Variants in WIPI1 observed in about 807,000 individuals in gnomAD.
WIPI1 encodes WD repeat domain, phosphoinositide interacting 1.
In WIPI1, 45 loss-of-function variants were observed where a neutral mutation model predicts 55.3. The ratio of observed to expected loss-of-function variants is 0.81; its 90% CI spans 0.64 to 1.04. The LOEUF (loss-of-function observed/expected upper bound fraction) is 1.04. WIPI1 is among the 50% of genes least tolerant of loss of function. The pLI, the probability that WIPI1 is intolerant of heterozygous loss-of-function variation, is 0.00. For missense variants in WIPI1, 445 were observed against 559.0 expected (o/e 0.80, Z 2.06); for synonymous variants, 195 against 217.6 (o/e 0.90, Z 0.92).
intron 1 of WIPI1, among the ~76,000 whole-genome samples, chr17:68,455,361 C>CA (rs35004898): frequency 0.51 from 52,084 of 102,440 alleles, 11,997 homozygotes; most frequent in Middle Eastern, 0.6. Flanking sequence ...AAGACTGTCT[C>CA]AAAAAAAAAA....
rs149211315 is a variant in WIPI1 at position 68,440,406 on chromosome 17, G to A, written c.431-3927C>T. On this transcript the variant is annotated intron_variant, in intron 4 of 12. Coordinates refer to ENST00000262139, the MANE Select transcript of WIPI1 (RefSeq NM_017983.7). ...CTTTCTGTTACAGGTGTTACACAAA[G>A]CCTTTTTAAGGAAGGATATGGGCTT... Among the ~76,000 whole-genome samples the A allele has an allele frequency of 1.8e-4, 27 of 152,262 alleles. No individual in the cohort carries two copies. In the East Asian group the frequency reaches 4.6e-3, roughly 26 times the overall value.
At chr17:68,452,822 A>T (rs2084544841) in intron 2 of WIPI1, 88 bp downstream of exon 2, 2 of 1,207,562 alleles carry the variant, frequency 1.7e-6, no homozygotes, top group Non-Finnish European at 1.2e-6. Context: ...AGGGAAAAAT[A>T]GGCAGCTTGG....
intron 4 of WIPI1, among the ~76,000 whole-genome samples, chr17:68,438,674 C>T (rs183251668): frequency 5.9e-5 from 9 of 152,356 alleles, no homozygotes; most frequent in African/African-American, 2.2e-4. Flanking sequence ...GATCTTGGCT[C>T]ACTGCAACCT....
chr17:68,441,614 G>A (rs566590742), intron 4 of WIPI1, among the ~76,000 whole-genome samples: 2 of 152,166 alleles, frequency 1.3e-5, no homozygotes, highest in Admixed American at 6.5e-5. Flanking sequence ...TCACTGAAGC[G>A]CAGCTCTGAC....
chr17:68,421,688 A>G lies in WIPI1; in HGVS notation c.*85T>C, dbSNP rs764499200. ...TCCTGCCCCCCTTTCTGCTCACACAATTGCACTCCATTCTTCCGCCTTCCT... is the reference window on the plus strand; with the variant it reads ...TCCTGCCCCCCTTTCTGCTCACACAGTTGCACTCCATTCTTCCGCCTTCCT... On this transcript the variant is annotated 3_prime_UTR_variant, in exon 13 of 13. Transcript: ENST00000262139. 5.6e-5 allele frequency: 89 copies of G among 1,590,836 alleles called. No individual in the cohort carries two copies. The highest frequency in any genetic ancestry group is 7.6e-5 in the Non-Finnish European group (88 of 1,159,710).
chr17:68,457,476 GCCCGC>G lies in WIPI1; in HGVS notation c.-60_-56del, dbSNP rs1432097232. 4 of 1,355,442 alleles carry G rather than the reference GCCCGC, an allele frequency of 3.0e-6. No individual in the cohort carries two copies. In the African/African-American group the frequency reaches 6.3e-5, roughly 21 times the overall value. 84.0% of individuals were successfully genotyped at this position (1,355,442 alleles called of 1,614,324 possible). A position where few individuals can be genotyped will look rare whatever the true frequency, so the allele number is the denominator to read the frequency against. On this transcript the variant is annotated 5_prime_UTR_variant, in exon 1 of 13. Transcript: ENST00000262139. ...GGAGCCGGCGACAGCCACCTCAGCA[GCCCGC>G]CCGCGCCGGCTCCACGGGCCGGGTC...
At chr17:68,439,768 C>G (rs2083998531) in intron 4 of WIPI1, among the ~76,000 whole-genome samples, 2 of 152,196 alleles carry the variant, frequency 1.3e-5, no homozygotes, top group African/African-American at 4.8e-5. Context: ...TTATTTGCTG[C>G]TCTTTCAGGC....
chr17:68,444,644 C>T, intron 3 of WIPI1, 55 bp from the exon 4 acceptor site: 6 of 1,404,422 alleles, frequency 4.3e-6, no homozygotes, highest in Non-Finnish European at 5.9e-6. Flanking sequence ...AAGACCCTGA[C>T]CAAATCCAAA....
At position 68,429,988 on chromosome 17, in the gene WIPI1, G is replaced by T. The variant is rs2083438687; in HGVS notation, c.965+8C>A. The T allele has an allele frequency of 6.2e-7, 1 of 1,614,096 alleles. No individual in the cohort carries two copies. Among genetic ancestry groups the T allele is most frequent in the African/African-American group, 1.3e-5 (1 of 75,052 alleles). ...GGTCTTGTTCAGAGTGGGTGTCATT[G>T]TACGTACGTTGAGAGGGTACAGATG... On this transcript the variant is annotated splice_region_variant and intron_variant, in intron 9 of 12. Transcript: ENST00000262139.
At chr17:68,438,843 A>T (rs1355171111) in intron 4 of WIPI1, among the ~76,000 whole-genome samples, 1 of 152,196 alleles carries the variant, frequency 6.6e-6, no homozygotes, top group Admixed American at 6.5e-5. Flanking sequence ...CAGGTGATCC[A>T]TCTGCCTCGG....
chr17:68,448,693 CAATCTT>C (rs761021206), intron 3 of WIPI1, among the ~76,000 whole-genome samples: 86 of 152,164 alleles, frequency 5.7e-4, no homozygotes, highest in Non-Finnish European at 1.8e-4. Flanking sequence ...TTTGCCTAAA[CAATCTT>C]AAAAAGATCA....
intron 4 of WIPI1, among the ~76,000 whole-genome samples, chr17:68,441,727 G>A (rs1600346304): frequency 6.6e-6 from 1 of 152,174 alleles, no homozygotes; most frequent in African/African-American, 2.4e-5. Context: ...CACAACCTCA[G>A]GTAACGCTCT....
chr17:68,426,254 G>GGGGGGGGGCCCCCCCC, intron 11 of WIPI1, 79 bp from the exon 12 acceptor site: 1 of 816,916 alleles, frequency 1.2e-6, no homozygotes, highest in East Asian at 3.5e-5. Flanking sequence ...GGGAGCGGGG[G>GGGGGGGGGCCCCCCCC]CTCAAATAAA....
intron 7 of WIPI1, among the ~76,000 whole-genome samples, 192 bp from the exon 8 acceptor site, chr17:68,433,767 T>G (rs923719774): frequency 1.8e-3 from 33 of 18,230 alleles, no homozygotes; most frequent in African/African-American, 4.5e-3. Context: ...ATAGTTTTTT[T>G]TTTTTTTTTT....
chr17:68,431,254 C>T (rs1009096439), intron 8 of WIPI1, among the ~76,000 whole-genome samples: 2 of 152,140 alleles, frequency 1.3e-5, no homozygotes, highest in South Asian at 2.1e-4. Context: ...AAGGGAGAGG[C>T]GGATGAGGTT....
Position 68,452,921 on chromosome 17 carries a change from AC to A in WIPI1, c.151del (p.Val51SerfsTer24), listed in dbSNP as rs2084549263. 6.2e-7 allele frequency: 1 copy of A among 1,613,964 alleles called. No homozygotes were observed. Among genetic ancestry groups the A allele is most frequent in the African/African-American group, 1.3e-5 (1 of 75,038 alleles). On this transcript the variant is annotated frameshift_variant, in exon 2 of 13. Transcript: ENST00000262139. LOFTEE classifies it high-confidence loss of function. Reference protein sequence around the residue: ...SLSSVEQLDQVHGSNEIPDVY... With the variant: ...SLSSVEQLDQXHGSNEIPDVY... ...TCACACACACTTACTGCTTCCGTGG[AC>A]TTGATCCAGCTGCTCCACAGAACTC... is the stretch of plus-strand genomic sequence containing the variant.
In WIPI1 at chr17:68,443,992, T is replaced by C. The variant is rs150922828; in HGVS notation, c.430+501A>G. ...TTAAATAGTGTTAAATCCCGAGAAT[T>C]CAGTAAGGTTTAATATCCTAGCATA... On this transcript the variant is annotated intron_variant, in intron 4 of 12. Coordinates refer to ENST00000262139, the MANE Select transcript of WIPI1 (RefSeq NM_017983.7). 2.7e-3 allele frequency among the ~76,000 whole-genome samples: 407 copies of C among 152,336 alleles called. 1 individual carries two copies. The highest frequency in any genetic ancestry group is 9.6e-3 in the African/African-American group (400 of 41,572).
At position 68,428,834 on chromosome 17, in the gene WIPI1, G is replaced by A. The variant is rs778166913; in HGVS notation, c.1068C>T (p.Thr356=). The A allele has an allele frequency of 3.4e-5, 55 of 1,612,234 alleles. 1 individual carries two copies. The South Asian group carries it at 5.8e-4, about 17-fold the overall frequency. Residue 356 remains threonine, a synonymous_variant, in exon 10 of 13, where the codon ACC becomes ACT. Coordinates refer to ENST00000262139, the MANE Select transcript of WIPI1 (RefSeq NM_017983.7). Reference sequence around the variant, plus strand: ...TTGAAAAGCAGTCTCTTCACCTGTGGGTTTTGATTAAGACACACTCTCCTC... The same window carrying A: ...TTGAAAAGCAGTCTCTTCACCTGTGAGTTTTGATTAAGACACACTCTCCTC... The part of the protein sequence containing the change: ...QDGGECVLIK[T]HSLLGSGTTE...
intron 10 of WIPI1, chr17:68,428,199 A>G (rs1420126350): frequency 3.4e-5 from 5 of 147,198 alleles, no homozygotes; most frequent in Non-Finnish European, 7.4e-5. Flanking sequence ...TGACTGGTAG[A>G]GCACTTTTCA....
Sources: gnomAD v4.1 joint callset for allele counts (sites outside exome capture counted in the v4.1 genomes callset) on GRCh38, gnomAD v4.1.1 for gene constraint, MANE v1.5 for transcripts, NCBI Gene and HGNC (gene_info 2026-07-23, HGNC 2026-07-21) for gene names.